CNTNAP2: variants seen among roughly 807,000 people sequenced by gnomAD.
The protein encoded by CNTNAP2 is contactin associated protein 2, also known as contactin-associated protein-like 2.
Under a neutral mutation model 155.2 loss-of-function variants are expected in CNTNAP2, and 98 were observed. The ratio of observed to expected loss-of-function variants is 0.63; its 90% CI spans 0.54 to 0.75. The LOEUF (loss-of-function observed/expected upper bound fraction) is 0.75, where lower values mean the gene tolerates loss of function less well. Ranked by LOEUF, CNTNAP2 falls within the 30% of genes least tolerant of loss-of-function variation. CNTNAP2 has a pLI of 0.00. For synonymous variants in CNTNAP2, 651 were observed against 631.2 expected (o/e 1.03, Z -0.47); for missense variants, 1,727 against 1,688.1 (o/e 1.02, Z -0.40).
intron 3 of CNTNAP2, among the ~76,000 whole-genome samples, chr7:147,033,726 C>T (rs1799089920): frequency 6.6e-6 from 1 of 150,910 alleles, no homozygotes; most frequent in Non-Finnish European, 1.5e-5. Flanking sequence ...TCACAGCTGA[C>T]TTACATACTT....
chr7:146,290,306 C>T (rs1394920628), intron 1 of CNTNAP2, among the ~76,000 whole-genome samples: 1 of 152,156 alleles, frequency 6.6e-6, no homozygotes, highest in Non-Finnish European at 1.5e-5. Context: ...CCTACTTGAG[C>T]ATGAATCCCG....
intron 15 of CNTNAP2, among the ~76,000 whole-genome samples, chr7:148,045,595 AC>A (rs1445853390): frequency 6.6e-6 from 1 of 152,246 alleles, no homozygotes; most frequent in Non-Finnish European, 1.5e-5. Context: ...AGTCCAACTT[AC>A]AATCAAAATG....
chr7:146,227,944 C>T (rs1222735406), intron 1 of CNTNAP2, among the ~76,000 whole-genome samples: 1 of 152,148 alleles, frequency 6.6e-6, no homozygotes, highest in Non-Finnish European at 1.5e-5. Context: ...CAAATTGCTA[C>T]CCATGGTAAC....
intron 21 of CNTNAP2, among the ~76,000 whole-genome samples, chr7:148,310,949 C>T (rs1797585758): frequency 1.3e-5 from 2 of 152,038 alleles, no homozygotes; most frequent in Admixed American, 6.6e-5. Flanking sequence ...TATAAGTAAA[C>T]AAGAAGAGGG....
intron 3 of CNTNAP2, among the ~76,000 whole-genome samples, chr7:146,920,207 C>A (rs142332085): frequency 0.015 from 2,218 of 151,976 alleles, 56 homozygotes; most frequent in African/African-American, 0.05. Flanking sequence ...TGAGGTCAGG[C>A]GTTCAAGACC....
chr7:147,083,495 GT>G (rs1205651194), intron 4 of CNTNAP2, among the ~76,000 whole-genome samples: 1 of 144,552 alleles, frequency 6.9e-6, no homozygotes, highest in Non-Finnish European at 1.5e-5. Context: ...AGACTAACTC[GT>G]TTTCAGGTTA....
chr7:147,495,705 G>A (rs577013023), intron 11 of CNTNAP2, among the ~76,000 whole-genome samples: 15 of 152,266 alleles, frequency 9.9e-5, no homozygotes, highest in East Asian at 7.7e-4. Flanking sequence ...TTTCAGCACC[G>A]CTGTAACAAA....
chr7:147,781,642 A>C (rs1797662831), intron 13 of CNTNAP2, among the ~76,000 whole-genome samples: 1 of 152,200 alleles, frequency 6.6e-6, no homozygotes, highest in Non-Finnish European at 1.5e-5. Flanking sequence ...TATTGTTTAC[A>C]ATCAGGTTAG....
chr7:146,363,639 G>A (rs537460836), intron 1 of CNTNAP2, among the ~76,000 whole-genome samples: 2 of 152,310 alleles, frequency 1.3e-5, no homozygotes, highest in Admixed American at 6.5e-5. Flanking sequence ...ATGCTGCGGA[G>A]AGTTGAACCA....
At chr7:147,969,609 A>G (rs2116853230) in intron 14 of CNTNAP2, among the ~76,000 whole-genome samples, 1 of 152,256 alleles carries the variant, frequency 6.6e-6, no homozygotes, top group East Asian at 1.9e-4. Context: ...TTTTTCTCTG[A>G]GAGCAGGTTT....
intron 8 of CNTNAP2, among the ~76,000 whole-genome samples, chr7:147,140,301 C>T (rs1311357574): frequency 2.6e-5 from 4 of 151,912 alleles, no homozygotes; most frequent in South Asian, 4.1e-4. Flanking sequence ...GTCCAGAGGC[C>T]GAGATCTTGC....
chr7:147,683,815 A>T (rs1795982691), intron 13 of CNTNAP2, among the ~76,000 whole-genome samples: 1 of 151,328 alleles, frequency 6.6e-6, no homozygotes, highest in African/African-American at 2.4e-5. Context: ...ACAGAATAGA[A>T]AATTCCTCTT....
intron 15 of CNTNAP2, among the ~76,000 whole-genome samples, chr7:147,986,199 C>A (rs1285647262): frequency 6.6e-6 from 1 of 152,126 alleles, no homozygotes; most frequent in Admixed American, 6.5e-5. Flanking sequence ...ACCACTTTCT[C>A]TCTGTCTCTC....
chr7:147,201,087 C>T (rs955385340), intron 8 of CNTNAP2, among the ~76,000 whole-genome samples: 2 of 152,170 alleles, frequency 1.3e-5, no homozygotes, highest in South Asian at 4.1e-4. Flanking sequence ...AAGCCTAATT[C>T]TAACATGATT....
intron 21 of CNTNAP2, among the ~76,000 whole-genome samples, chr7:148,293,800 C>T (rs1364180444): frequency 6.6e-6 from 1 of 151,908 alleles, no homozygotes; most frequent in Non-Finnish European, 1.5e-5. Flanking sequence ...TTTGGGAGGT[C>T]GAGGCAGGCA....
At chr7:146,229,153 A>G (rs1799343009) in intron 1 of CNTNAP2, among the ~76,000 whole-genome samples, 1 of 152,204 alleles carries the variant, frequency 6.6e-6, no homozygotes, top group East Asian at 1.9e-4. Flanking sequence ...AGAACTGCTT[A>G]AAAAATATTC....
chr7:148,230,762 A>G (rs1435142260), intron 20 of CNTNAP2, among the ~76,000 whole-genome samples: 1 of 152,180 alleles, frequency 6.6e-6, no homozygotes, highest in Non-Finnish European at 1.5e-5. Flanking sequence ...TAGGAAACTG[A>G]CATGCACTGT....
intron 13 of CNTNAP2, among the ~76,000 whole-genome samples, chr7:147,737,459 A>G (rs1215777044): frequency 6.6e-6 from 1 of 151,768 alleles, no homozygotes. Flanking sequence ...CAGTTTGGCT[A>G]CTCCTGGGTC....
At chr7:146,207,463 A>G (rs1348022250) in intron 1 of CNTNAP2, among the ~76,000 whole-genome samples, 1 of 151,954 alleles carries the variant, frequency 6.6e-6, no homozygotes, top group African/African-American at 2.4e-5. Flanking sequence ...AATTTTATCT[A>G]GCTTCCTTCA....
Sources: allele counts gnomAD v4.1 joint callset (sites outside exome capture counted in the v4.1 genomes callset), GRCh38; gene constraint gnomAD v4.1.1; transcripts MANE v1.5; gene names NCBI Gene and HGNC (gene_info 2026-07-23, HGNC 2026-07-21).